Variants in DOCK4 observed in about 807,000 individuals in gnomAD.
DOCK4 encodes the protein dedicator of cytokinesis protein 4.
In DOCK4, 97 loss-of-function variants were observed where a neutral mutation model predicts 268.1. The observed-to-expected ratio is 0.36, with a 90% CI of 0.31 to 0.43. DOCK4 has a LOEUF of 0.43. DOCK4 is among the 20% of genes least tolerant of loss of function. The probability of loss-of-function intolerance (pLI) is 1.00; values close to 1 mark genes in which losing one functional copy is unlikely to be tolerated. For synonymous variants in DOCK4, 954 were observed against 887.2 expected (o/e 1.08, Z -1.34); for missense variants, 2,145 against 2,455.7 (o/e 0.87, Z 2.67).
chr7:112,156,487 A>C (rs906626405), intron 1 of DOCK4, among the ~76,000 whole-genome samples: 2 of 152,220 alleles, frequency 1.3e-5, no homozygotes, highest in African/African-American at 4.8e-5. Context: ...GTGAGCCAGA[A>C]AGCTAAAGTC....
At chr7:112,093,145 C>T (rs1252920891) in intron 1 of DOCK4, among the ~76,000 whole-genome samples, 1 of 152,074 alleles carries the variant, frequency 6.6e-6, no homozygotes, top group Non-Finnish European at 1.5e-5. Flanking sequence ...CAGATAGTCA[C>T]GCTGTTGCTT....
chr7:112,104,950 G>A (rs556662283), intron 1 of DOCK4, among the ~76,000 whole-genome samples: 9 of 152,236 alleles, frequency 5.9e-5, no homozygotes, highest in Admixed American at 5.2e-4. Flanking sequence ...ATACATTCAA[G>A]AGTAACTATT....
intron 49 of DOCK4, among the ~76,000 whole-genome samples, chr7:111,737,288 CT>C (rs779935246): frequency 2.0e-5 from 3 of 151,206 alleles, no homozygotes; most frequent in African/African-American, 4.9e-5. Flanking sequence ...CTATGAAGTT[CT>C]TTTTTTTTCT....
At chr7:111,977,100 G>C (rs1423476972) in intron 8 of DOCK4, 32 bp downstream of exon 8, 2 of 1,609,682 alleles carry the variant, frequency 1.2e-6, no homozygotes, top group African/African-American at 2.7e-5. Flanking sequence ...CTAACATTAA[G>C]ACATTGAAAC....
intron 1 of DOCK4, among the ~76,000 whole-genome samples, chr7:112,069,098 T>A (rs1019598752): frequency 2.0e-5 from 3 of 152,198 alleles, no homozygotes; most frequent in African/African-American, 7.2e-5. Flanking sequence ...CTGGCTATTC[T>A]GAGTGCCCAA....
intron 16 of DOCK4, among the ~76,000 whole-genome samples, chr7:111,878,206 C>T (rs1381259515): frequency 1.3e-5 from 2 of 152,190 alleles, no homozygotes; most frequent in Non-Finnish European, 2.9e-5. Context: ...GATTAAACAA[C>T]ACTTAAGAAA....
chr7:111,798,683 T>C (rs142726168), intron 30 of DOCK4, among the ~76,000 whole-genome samples: 1 of 152,174 alleles, frequency 6.6e-6, no homozygotes, highest in African/African-American at 2.4e-5. Context: ...AAACAAGAAA[T>C]ACAAAAGGAG....
chr7:112,063,839 G>T (rs1360638831), intron 1 of DOCK4, among the ~76,000 whole-genome samples: 1 of 152,144 alleles, frequency 6.6e-6, no homozygotes, highest in Non-Finnish European at 1.5e-5. Flanking sequence ...TGTAAAATGT[G>T]AGCACATCTT....
In DOCK4 at chr7:112,176,990, G is replaced by A. The variant is rs192888865; in HGVS notation, c.37+29112C>T. On this transcript the variant is annotated intron_variant, in intron 1 of 52. Coordinates refer to ENST00000428084, the MANE Select transcript of DOCK4 (RefSeq NM_001363540.2). ...AAGTTCCCTAGGTTACAAGGATAAT[G>A]AGGTAGAATGAGGGAAGGAAGAAAA... is the stretch of plus-strand genomic sequence containing the variant. 3.9e-5 allele frequency among the ~76,000 whole-genome samples: 6 copies of A among 152,316 alleles called. No individual in the cohort carries two copies. The East Asian group carries it at 9.6e-4, about 24-fold the overall frequency.
chr7:111,858,204 C>A (rs1805171106), intron 23 of DOCK4, among the ~76,000 whole-genome samples: 1 of 152,166 alleles, frequency 6.6e-6, no homozygotes, highest in South Asian at 2.1e-4. Context: ...CTGACATTCA[C>A]ATATGTCCTT....
At chr7:112,204,211 G>A (rs886184096) in intron 1 of DOCK4, among the ~76,000 whole-genome samples, 1 of 152,102 alleles carries the variant, frequency 6.6e-6, no homozygotes, top group Non-Finnish European at 1.5e-5. Flanking sequence ...GTAAAGAAAG[G>A]CAAGAGAGGA....
At chr7:112,196,695 CCTCT>C (rs1285151406) in intron 1 of DOCK4, among the ~76,000 whole-genome samples, 3 of 152,040 alleles carry the variant, frequency 2.0e-5, no homozygotes, top group African/African-American at 7.2e-5. Flanking sequence ...GTCATTGAGG[CCTCT>C]CTGTTTAATA....
At chr7:112,081,048 A>C (rs1808536603) in intron 1 of DOCK4, among the ~76,000 whole-genome samples, 1 of 152,162 alleles carries the variant, frequency 6.6e-6, no homozygotes, top group Admixed American at 6.5e-5. Flanking sequence ...AGTAGCCCAC[A>C]GGCCACGGAT....
At chr7:111,850,414 T>A (rs934624458) in intron 23 of DOCK4, among the ~76,000 whole-genome samples, 1 of 151,894 alleles carries the variant, frequency 6.6e-6, no homozygotes, top group African/African-American at 2.4e-5. Context: ...GCCCAATCTT[T>A]CTCCCTTATT....
At chr7:111,919,068 C>T (rs1562886389) in intron 12 of DOCK4, among the ~76,000 whole-genome samples, 1 of 151,930 alleles carries the variant, frequency 6.6e-6, no homozygotes, top group African/African-American at 2.4e-5. Flanking sequence ...TTGTTTTGCC[C>T]TATAGGAGCC....
chr7:112,192,989 G>A (rs1749515011), intron 1 of DOCK4, among the ~76,000 whole-genome samples: 1 of 151,922 alleles, frequency 6.6e-6, no homozygotes, highest in Non-Finnish European at 1.5e-5. Context: ...TTCTCTTCAG[G>A]GACCTGATAT....
intron 5 of DOCK4, among the ~76,000 whole-genome samples, chr7:111,990,893 A>C (rs1297531356): frequency 6.6e-6 from 1 of 152,196 alleles, no homozygotes; most frequent in Non-Finnish European, 1.5e-5. Flanking sequence ...CTTGATTTAC[A>C]CATGTTAATT....
At chr7:112,042,478 A>T (rs955072707) in intron 1 of DOCK4, among the ~76,000 whole-genome samples, 3 of 152,224 alleles carry the variant, frequency 2.0e-5, no homozygotes, top group African/African-American at 7.2e-5. Flanking sequence ...GGTTAATAAA[A>T]GTCTGAGGAG....
chr7:111,956,411 A>G (rs1175115576), intron 8 of DOCK4, among the ~76,000 whole-genome samples: 1 of 152,206 alleles, frequency 6.6e-6, no homozygotes, highest in Non-Finnish European at 1.5e-5. Context: ...TTACTATCTT[A>G]GAGAGATTTT....
Sources: gnomAD v4.1 joint callset for allele counts (sites outside exome capture counted in the v4.1 genomes callset) on GRCh38, gnomAD v4.1.1 for gene constraint, MANE v1.5 for transcripts, NCBI Gene and HGNC (gene_info 2026-07-23, HGNC 2026-07-21) for gene names.